Variants in DENND2C observed in about 807,000 individuals in gnomAD.
DENND2C encodes DENN domain-containing protein 2C.
DENND2C carries 72 observed loss-of-function variants against 112.4 expected under a neutral mutation model. The ratio of observed to expected loss-of-function variants is 0.64; its 90% CI spans 0.53 to 0.78. The LOEUF is 0.78. DENND2C is among the 30% of genes least tolerant of loss of function. DENND2C has a pLI of 0.00. For missense variants in DENND2C, 992 were observed against 1,113.8 expected (o/e 0.89, Z 1.56); for synonymous variants, 329 against 381.6 (o/e 0.86, Z 1.61).
chr1:114,614,096 T>C (rs1429362311), intron 8 of DENND2C, among the ~76,000 whole-genome samples: 2 of 151,732 alleles, frequency 1.3e-5, no homozygotes, highest in Non-Finnish European at 2.9e-5. Flanking sequence ...CCAGGTGTGG[T>C]GGGCATGAGC....
chr1:114,665,063 C>T (rs1313302881), intron 1 of DENND2C, among the ~76,000 whole-genome samples: 2 of 151,576 alleles, frequency 1.3e-5, no homozygotes, highest in Middle Eastern at 6.4e-3. Context: ...TACTGCACTC[C>T]AGCCTGGGCA....
chr1:114,601,458 T>G (rs1304145178), intron 13 of DENND2C, 50 bp downstream of exon 13: 1 of 1,559,370 alleles, frequency 6.4e-7, no homozygotes, highest in Admixed American at 1.9e-5. Flanking sequence ...CACTTAATAT[T>G]AAGAGCTCAA....
chr1:114,588,734 A>T (rs1655108829), intron 18 of DENND2C, among the ~76,000 whole-genome samples: 1 of 152,176 alleles, frequency 6.6e-6, no homozygotes. Flanking sequence ...TTCCCTCTCA[A>T]TATTCCCATT....
Position 114,585,237 on chromosome 1 carries a change from A to G in DENND2C, c.*363T>C, listed in dbSNP as rs1005933989. The G allele has an allele frequency of 4.1e-6, 1 of 244,218 alleles. No individual in the cohort carries two copies. The highest frequency in any genetic ancestry group is 4.9e-5 in the Admixed American group (1 of 20,234). The allele number at this position is 244,218 out of a possible 1,614,324, so 15.1% of individuals were successfully genotyped here. A position where few individuals can be genotyped will look rare whatever the true frequency, so the allele number is the denominator to read the frequency against. ...CTACCTTAAACTCAGCATTTCTCTC[A>G]TTATTCTCATCTTTGAGCTATTTTT... On this transcript the variant is annotated 3_prime_UTR_variant, in exon 21 of 21. Coordinates refer to ENST00000393274, the MANE Select transcript of DENND2C (RefSeq NM_001256404.2).
chr1:114,590,004 G>C (rs919772757), intron 18 of DENND2C, among the ~76,000 whole-genome samples: 2 of 152,074 alleles, frequency 1.3e-5, no homozygotes, highest in Non-Finnish European at 2.9e-5. Context: ...AACCCCAATA[G>C]CATATTAGTA....
intron 6 of DENND2C, among the ~76,000 whole-genome samples, 166 bp downstream of exon 6, chr1:114,622,821 G>GT (rs1656202569): frequency 6.7e-6 from 1 of 148,750 alleles, no homozygotes; most frequent in Non-Finnish European, 1.5e-5. Flanking sequence ...AAAAAAAGCT[G>GT]TATGTTATCC....
At chr1:114,661,615 C>T (rs1657493678) in intron 1 of DENND2C, among the ~76,000 whole-genome samples, 1 of 152,140 alleles carries the variant, frequency 6.6e-6, no homozygotes. Context: ...AGACATGGGT[C>T]TGTCATTTTA....
chr1:114,638,945 T>A (rs1656733121), intron 3 of DENND2C, among the ~76,000 whole-genome samples: 1 of 151,476 alleles, frequency 6.6e-6, no homozygotes, highest in Non-Finnish European at 1.5e-5. Flanking sequence ...CATACATATA[T>A]CTGATGAGGA....
Position 114,583,225 on chromosome 1 carries a change from C to T in DENND2C, c.*2375G>A, listed in dbSNP as rs760024547. On this transcript the variant is annotated 3_prime_UTR_variant, in exon 21 of 21. Transcript: ENST00000393274. ...GGCTCAGTTCTATTCCCTGGACCCA[C>T]ATCTGTAGGAATTATATTATACAGC... is the stretch of plus-strand genomic sequence containing the variant. The T allele has an allele frequency of 5.9e-5, 9 of 152,132 alleles. No individual in the cohort carries two copies. The highest frequency in any genetic ancestry group is 1.2e-4 in the Non-Finnish European group (8 of 68,044). The allele number at this position is 152,132 out of a possible 1,614,324, so 9.4% of individuals were successfully genotyped here. A position where few individuals can be genotyped will look rare whatever the true frequency, so the allele number is the denominator to read the frequency against.
chr1:114,665,392 CT>C (rs1657620426), intron 1 of DENND2C, among the ~76,000 whole-genome samples: 1 of 151,940 alleles, frequency 6.6e-6, no homozygotes, highest in African/African-American at 2.4e-5. Flanking sequence ...TGCTATAAAG[CT>C]TTTTACAAAG....
intron 3 of DENND2C, among the ~76,000 whole-genome samples, chr1:114,639,769 G>A (rs1425727557): frequency 6.6e-6 from 1 of 151,104 alleles, no homozygotes; most frequent in Non-Finnish European, 1.5e-5. Context: ...GAGTGCAATG[G>A]CTTGATCTCG....
At chr1:114,605,858 T>C (rs997820062) in intron 10 of DENND2C, among the ~76,000 whole-genome samples, 6 of 152,252 alleles carry the variant, frequency 3.9e-5, no homozygotes, top group Non-Finnish European at 8.8e-5. Flanking sequence ...TCCTTTAGCA[T>C]AGAATCTTTG....
At chr1:114,650,591 G>A (rs1291910915) in intron 2 of DENND2C, among the ~76,000 whole-genome samples, 4 of 139,044 alleles carry the variant, frequency 2.9e-5, no homozygotes, top group African/African-American at 8.1e-5. Context: ...GGAGAATGGC[G>A]CAAACCCAGG....
intron 9 of DENND2C, among the ~76,000 whole-genome samples, chr1:114,609,779 T>C (rs988500011): frequency 5.3e-5 from 8 of 152,198 alleles, no homozygotes; most frequent in Non-Finnish European, 7.3e-5. Flanking sequence ...AGTTATACTA[T>C]AGATCAAAAT....
At chr1:114,666,664 A>G (rs1325717094) in intron 1 of DENND2C, among the ~76,000 whole-genome samples, 3 of 152,146 alleles carry the variant, frequency 2.0e-5, no homozygotes, top group African/African-American at 7.2e-5. Flanking sequence ...CATGTTGACC[A>G]GGATGCTCCC....
intron 3 of DENND2C, among the ~76,000 whole-genome samples, chr1:114,642,879 T>C (rs1231178026): frequency 1.3e-5 from 2 of 152,232 alleles, no homozygotes; most frequent in East Asian, 1.9e-4. Flanking sequence ...GAATACACCA[T>C]GTACTTTCAA....
chr1:114,599,140 TATA>T (rs1014084119), intron 16 of DENND2C, 131 bp downstream of exon 16: 4 of 592,852 alleles, frequency 6.7e-6, no homozygotes, highest in Admixed American at 3.8e-5. Context: ...ACAGCAATAT[TATA>T]ATAATTTAAT....
rs926895021 is a variant in DENND2C, at chr1:114,592,719, CAAAAAT to C, written c.2431+1748_2431+1753del. On this transcript the variant is annotated intron_variant, in intron 18 of 20. Coordinates refer to ENST00000393274, the MANE Select transcript of DENND2C (RefSeq NM_001256404.2). ...TGGGTGACAAAGCGAGACCCTGTCT[CAAAAAT>C]AAAAATAAAAATAATAAATAATAAA... Among the ~76,000 whole-genome samples the C allele has an allele frequency of 5.9e-5, 9 of 152,072 alleles. 1 individual carries two copies. The South Asian group carries it at 1.7e-3, about 28-fold the overall frequency.
chr1:114,644,536 A>C (rs1242986817), intron 3 of DENND2C, among the ~76,000 whole-genome samples: 2 of 152,198 alleles, frequency 1.3e-5, no homozygotes, highest in African/African-American at 2.4e-5. Flanking sequence ...CCATTTGTAG[A>C]ATGGGGAAGC....
Sources: gnomAD v4.1 joint callset for allele counts (sites outside exome capture counted in the v4.1 genomes callset) on GRCh38, gnomAD v4.1.1 for gene constraint, MANE v1.5 for transcripts, NCBI Gene and HGNC (gene_info 2026-07-23, HGNC 2026-07-21) for gene names.